Variants in KPNA3 observed in about 807,000 individuals in gnomAD.
KPNA3 encodes the protein importin subunit alpha-4.
In KPNA3, 13 loss-of-function variants were observed where a neutral mutation model predicts 73.8. That is an observed-to-expected ratio of 0.18 (90% CI 0.11 to 0.28). The LOEUF is 0.28. Among genes scored for constraint, KPNA3 ranks in the 10% least tolerant of loss-of-function variants. The pLI, the probability that KPNA3 is intolerant of heterozygous loss-of-function variation, is 1.00. For missense variants in KPNA3, 360 were observed against 618.1 expected, an observed-to-expected ratio of 0.58 and a Z score of 4.43; for synonymous variants, 186 against 206.9, an observed-to-expected ratio of 0.90 and a Z score of 0.87.
intron 1 of KPNA3, among the ~76,000 whole-genome samples, chr13:49,787,067 T>A (rs1954988655): frequency 6.6e-6 from 1 of 152,184 alleles, no homozygotes; most frequent in Non-Finnish European, 1.5e-5. Flanking sequence ...GATAGAATCT[T>A]AAACTTGGAC....
chr13:49,788,735 TTTTAAA>T (rs1160373542), intron 1 of KPNA3, among the ~76,000 whole-genome samples: 24 of 123,432 alleles, frequency 1.9e-4, no homozygotes, highest in Admixed American at 1.6e-3. Context: ...TTTTTTTTTT[TTTTAAA>T]AAAAAAAAGC....
rs1181371304 is a variant in KPNA3, at chr13:49,792,489, G to A, written c.18C>T (p.Ser6=). ...AGCTCTTGATGCGGTGGTTCTCCAAGCTGGGGTTCTCGGCCATGGCTGCGC... is the reference window on the plus strand; with the variant it reads ...AGCTCTTGATGCGGTGGTTCTCCAAACTGGGGTTCTCGGCCATGGCTGCGC... MAENP[S]LENHRIKSFK... The change falls in exon 1 of 17, where the codon AGC becomes AGT. Residue 6 remains serine, a synonymous_variant. Coordinates refer to ENST00000261667, the MANE Select transcript of KPNA3 (RefSeq NM_002267.4). The A allele has an allele frequency of 1.9e-6, 3 of 1,583,450 alleles. No homozygotes were observed. The highest frequency in any genetic ancestry group is 1.1e-5 in the South Asian group (1 of 88,116).
At position 49,742,451 on chromosome 13, in the gene KPNA3, T is replaced by C. The variant is rs567938964; in HGVS notation, c.114+4498A>G. Among the ~76,000 whole-genome samples, 6 of 152,182 alleles carry C rather than the reference T, an allele frequency of 3.9e-5. No homozygotes were observed. In the East Asian group the frequency reaches 1.2e-3, roughly 29 times the overall value. Reference sequence around the variant, plus strand: ...CAAGTAAGCCGTAGAAAGCAAACTTTTCTGTTCCACTGTTCTGTGTGTGTG... The same window carrying C: ...CAAGTAAGCCGTAGAAAGCAAACTTCTCTGTTCCACTGTTCTGTGTGTGTG... On this transcript the variant is annotated intron_variant, in intron 2 of 16. Transcript: ENST00000261667.
rs377553159 is a variant in KPNA3 at position 49,742,848 on chromosome 13, T to C, written c.114+4101A>G. Among the ~76,000 whole-genome samples, 37 of 152,332 alleles carry C rather than the reference T, an allele frequency of 2.4e-4. 1 individual carries two copies. In the East Asian group the frequency reaches 4.8e-3, roughly 20 times the overall value. ...CCTAACTTGTCACAGATCAGGACTT[T>C]TGAGTAGCACGGCCTATATCTGAAG... is the stretch of plus-strand genomic sequence containing the variant. On this transcript the variant is annotated intron_variant, in intron 2 of 16. Transcript: ENST00000261667.
intron 1 of KPNA3, among the ~76,000 whole-genome samples, chr13:49,748,583 A>G (rs1329075211): frequency 6.6e-6 from 1 of 152,114 alleles, no homozygotes; most frequent in Non-Finnish European, 1.5e-5. Flanking sequence ...TAAGAAAAAA[A>G]ATCTCATAAA....
intron 1 of KPNA3, among the ~76,000 whole-genome samples, chr13:49,788,187 CAATA>C (rs923987022): frequency 1.3e-5 from 2 of 152,062 alleles, no homozygotes; most frequent in African/African-American, 4.8e-5. Flanking sequence ...ATACTGTAAA[CAATA>C]AATGTTAAGG....
chr13:49,745,020 T>C (rs1196646923), intron 2 of KPNA3, among the ~76,000 whole-genome samples: 1 of 152,214 alleles, frequency 6.6e-6, no homozygotes, highest in African/African-American at 2.4e-5. Context: ...TTTTCCTCCA[T>C]AGCATCATCC....
intron 1 of KPNA3, among the ~76,000 whole-genome samples, chr13:49,760,587 T>G (rs1954750922): frequency 6.6e-6 from 1 of 152,150 alleles, no homozygotes; most frequent in Admixed American, 6.5e-5. Context: ...GACCTTGTAA[T>G]AGTTGATTCC....
intron 2 of KPNA3, among the ~76,000 whole-genome samples, chr13:49,737,165 T>C (rs772620619): frequency 6.6e-5 from 10 of 152,180 alleles, no homozygotes; most frequent in Non-Finnish European, 1.3e-4. Flanking sequence ...TATATAGACA[T>C]GCATGTACAG....
At chr13:49,757,461 A>G (rs1455935839) in intron 1 of KPNA3, among the ~76,000 whole-genome samples, 1 of 152,216 alleles carries the variant, frequency 6.6e-6, no homozygotes, top group Non-Finnish European at 1.5e-5. Flanking sequence ...GTTCAATACT[A>G]TTAGCCATTA....
chr13:49,735,248 G>C (rs914115219), intron 2 of KPNA3, among the ~76,000 whole-genome samples: 21 of 152,084 alleles, frequency 1.4e-4, no homozygotes, highest in African/African-American at 4.8e-4. Flanking sequence ...TCAGCCTCCT[G>C]AATAGCTGGG....
intron 11 of KPNA3, 118 bp downstream of exon 11, chr13:49,710,773 T>C (rs1352692893): frequency 5.5e-6 from 5 of 902,392 alleles, no homozygotes; most frequent in Admixed American, 2.5e-5. Flanking sequence ...GCTCAGGGAC[T>C]AGCAGAAGAA....
intron 1 of KPNA3, among the ~76,000 whole-genome samples, chr13:49,774,510 A>G (rs1362566016): frequency 6.6e-6 from 1 of 152,130 alleles, no homozygotes; most frequent in East Asian, 1.9e-4. Flanking sequence ...CCTCCTCTCA[A>G]GGCTATCTTT....
chr13:49,741,380 T>A (rs1464260131), intron 2 of KPNA3, among the ~76,000 whole-genome samples: 2 of 152,186 alleles, frequency 1.3e-5, no homozygotes, highest in Non-Finnish European at 1.5e-5. Context: ...TTTCTCTGAT[T>A]AGTAATGTTG....
At chr13:49,760,892 G>C (rs1954753175) in intron 1 of KPNA3, among the ~76,000 whole-genome samples, 1 of 152,140 alleles carries the variant, frequency 6.6e-6, no homozygotes, top group Non-Finnish European at 1.5e-5. Flanking sequence ...AGTAATTCTT[G>C]CTGTCAGAAC....
At chr13:49,770,757 T>TG (rs1954846884) in intron 1 of KPNA3, among the ~76,000 whole-genome samples, 2 of 130,910 alleles carry the variant, frequency 1.5e-5, no homozygotes, top group South Asian at 4.6e-4. Context: ...TTCCATTTGT[T>TG]GAAAAAAAAA....
chr13:49,710,790 A>T (rs1954253019), intron 11 of KPNA3, 101 bp downstream of exon 11: 2 of 1,024,514 alleles, frequency 2.0e-6, no homozygotes, highest in Admixed American at 4.7e-5. Context: ...AGAAATGTGG[A>T]AGATAAGCAC....
At chr13:49,766,117 A>G (rs1340180481) in intron 1 of KPNA3, among the ~76,000 whole-genome samples, 1 of 152,224 alleles carries the variant, frequency 6.6e-6, no homozygotes, top group African/African-American at 2.4e-5. Flanking sequence ...AGTTCCAAGA[A>G]TTAAATAAAA....
At position 49,705,778 on chromosome 13, in the gene KPNA3, C is replaced by A. The variant is rs979380995; in HGVS notation, c.1215G>T (p.Glu405Asp). ...LTISGRKDQV[E>D]YLVQQNVIPP... The stretch of plus-strand genomic sequence containing the variant: ...GTATTACATTCTGCTGTACAAGGTA[C>A]TCAACCTAGACAACAAAAGAGAAGA... The change falls in exon 15 of 17, where the codon GAG becomes GAT. Residue 405 changes from glutamate (E) to aspartate (D), a missense_variant. Around this residue, in one of 3 missense-constraint regions of KPNA3, gnomAD observed 287 missense variants for 549.1 expected, o/e 0.52. Coordinates refer to ENST00000261667, the MANE Select transcript of KPNA3 (RefSeq NM_002267.4). 1.1e-5 allele frequency: 17 copies of A among 1,599,398 alleles called. No individual in the cohort carries two copies. The highest frequency in any genetic ancestry group is 1.4e-5 in the Non-Finnish European group (16 of 1,173,360).
Sources: gnomAD v4.1 joint callset for allele counts (sites outside exome capture counted in the v4.1 genomes callset) on GRCh38, gnomAD v4.1.1 for gene constraint, gnomAD v4.1.1 regional missense constraint, MANE v1.5 for transcripts, NCBI Gene and HGNC (gene_info 2026-07-23, HGNC 2026-07-21) for gene names.